Variants in DLD observed in about 807,000 individuals in gnomAD.
DLD encodes the protein dihydrolipoamide dehydrogenase.
In DLD, 36 loss-of-function variants were observed where a neutral mutation model predicts 62.2. The ratio of observed to expected loss-of-function variants is 0.58; its 90% CI spans 0.44 to 0.76. The LOEUF (loss-of-function observed/expected upper bound fraction) is 0.76, where lower values mean the gene tolerates loss of function less well. Ranked by LOEUF, DLD falls within the 30% of genes least tolerant of loss-of-function variation. DLD has a pLI of 0.00. For missense variants in DLD, 541 were observed against 608.6 expected (o/e 0.89, Z 1.17); for synonymous variants, 204 against 199.6 (o/e 1.02, Z -0.19).
intron 2 of DLD, among the ~76,000 whole-genome samples, chr7:107,901,109 A>C (rs2031864168): frequency 6.6e-6 from 1 of 152,140 alleles, no homozygotes; most frequent in Admixed American, 6.5e-5. Flanking sequence ...TCAATATGCA[A>C]GTACAAAACA....
Position 107,919,178 on chromosome 7 carries a change from A to G in DLD, c.1465-16A>G. 6.2e-7 allele frequency: 1 copy of G among 1,613,298 alleles called. No homozygotes were observed. Among genetic ancestry groups the G allele is most frequent in the Non-Finnish European group, 8.5e-7 (1 of 1,179,414 alleles). On this transcript the variant is annotated splice_polypyrimidine_tract_variant and intron_variant, in intron 13 of 13. Coordinates refer to ENST00000205402, the MANE Select transcript of DLD (RefSeq NM_000108.5). ...ACAAATATTTGGATTTTAATTTTAA[A>G]TTTCTTCCCTTGCAGACCTTATCAG...
rs771582791 is a variant in DLD at position 107,901,863 on chromosome 7, A to G, written c.198+46A>G. ...AAGTATTGATTTATTTTAATTTGGG[A>G]AGGGTTGATCATATTTATAAAGTAC... is the stretch of plus-strand genomic sequence containing the variant. On this transcript the variant is annotated intron_variant, in intron 3 of 13. Transcript: ENST00000205402. The G allele has an allele frequency of 2.1e-5, 32 of 1,498,682 alleles. No individual in the cohort carries two copies. The South Asian group carries it at 3.5e-4, about 16-fold the overall frequency. The allele number at this position is 1,498,682 out of a possible 1,614,324, so 92.8% of individuals were successfully genotyped here.
chr7:107,899,214 T>A (rs899542913), intron 2 of DLD, among the ~76,000 whole-genome samples: 10 of 151,812 alleles, frequency 6.6e-5, no homozygotes, highest in African/African-American at 2.4e-4. Flanking sequence ...GCTTATACCC[T>A]CCTGTATTCT....
intron 5 of DLD, among the ~76,000 whole-genome samples, chr7:107,904,011 G>C (rs182613551): frequency 1.6e-4 from 24 of 152,266 alleles, no homozygotes; most frequent in Non-Finnish European, 2.6e-4. Flanking sequence ...AACGTATCTT[G>C]TCTCCTGACA....
intron 7 of DLD, among the ~76,000 whole-genome samples, chr7:107,906,052 G>C (rs2031998094): frequency 1.3e-5 from 2 of 152,110 alleles, no homozygotes; most frequent in African/African-American, 4.8e-5. Context: ...CACTGTAAAT[G>C]CTATGCAAGT....
Position 107,918,171 on chromosome 7 carries a change from C to T in DLD, c.1374+110C>T. 5 of 1,207,200 alleles carry T rather than the reference C, an allele frequency of 4.1e-6. No homozygotes were observed. In the South Asian group the frequency reaches 6.2e-5, roughly 15 times the overall value. The allele number at this position is 1,207,200 out of a possible 1,614,324, so 74.8% of individuals were successfully genotyped here. On this transcript the variant is annotated intron_variant, in intron 12 of 13. Transcript: ENST00000205402. ...CTGAGGTTGCTCATTTCCAGCAAAA[C>T]TTTGAATATGGCTCTCTGTGCATCA...
intron 8 of DLD, among the ~76,000 whole-genome samples, chr7:107,909,279 C>G (rs1364467672): frequency 1.3e-5 from 2 of 152,156 alleles, no homozygotes; most frequent in East Asian, 1.9e-4. Context: ...CACTCTTATA[C>G]TTAACTGCTT....
chr7:107,905,421 G>A lies in DLD; in HGVS notation c.499G>A (p.Ala167Thr), dbSNP rs2116221690. 1 of 1,613,818 alleles carries A rather than the reference G, an allele frequency of 6.2e-7. No individual in the cohort carries two copies. Among genetic ancestry groups the A allele is most frequent in the Non-Finnish European group, 8.5e-7 (1 of 1,179,772 alleles). ...TGKNQVTATK[A>T]DGGTQVIDTK... ...CAAAAATCAAGTCACTGCTACGAAA[G>A]CTGATGGCGGCACTCAGGTTATTGA... Residue 167 changes from alanine to threonine, a missense_variant, in exon 7 of 14, where the codon GCT becomes ACT. Transcript: ENST00000205402.
At chr7:107,904,275 AG>A (rs1190074612) in intron 5 of DLD, among the ~76,000 whole-genome samples, 2 of 152,246 alleles carry the variant, frequency 1.3e-5, no homozygotes, top group African/African-American at 4.8e-5. Context: ...AAGAAGAGCT[AG>A]GGGTAGTCAG....
intron 8 of DLD, among the ~76,000 whole-genome samples, chr7:107,913,879 T>G (rs1463301383): frequency 6.6e-6 from 1 of 152,074 alleles, no homozygotes; most frequent in Non-Finnish European, 1.5e-5. Flanking sequence ...TGTCTTATTA[T>G]TTTGAGGTGT....
At chr7:107,891,570 G>T (rs2031576105) in intron 1 of DLD, 1 of 581,512 alleles carries the variant, frequency 1.7e-6, no homozygotes, top group Non-Finnish European at 3.1e-6. Flanking sequence ...AGCCTGGGCC[G>T]AGGGCCATCC....
At position 107,903,457 on chromosome 7, in the gene DLD, G is replaced by T. The variant is rs1271616384; in HGVS notation, c.268-21G>T. 6 of 1,395,346 alleles carry T rather than the reference G, an allele frequency of 4.3e-6. No homozygotes were observed. In the South Asian group the frequency reaches 7.0e-5, roughly 16 times the overall value. The allele number at this position is 1,395,346 out of a possible 1,614,324, so 86.4% of individuals were successfully genotyped here. Reference sequence around the variant, plus strand: ...TCTGTTTATGAATATTTGATAATTTGATCTTTTTAATTTCCTTTAGGCTTT... The same window carrying T: ...TCTGTTTATGAATATTTGATAATTTTATCTTTTTAATTTCCTTTAGGCTTT... On this transcript the variant is annotated intron_variant, in intron 4 of 13. Coordinates refer to ENST00000205402, the MANE Select transcript of DLD (RefSeq NM_000108.5).
chr7:107,915,670 G>A lies in DLD; in HGVS notation c.849G>A (p.Lys283=), dbSNP rs996668351. ...ATACAAAGGTTACTGGTGCTACCAA[G>A]AAGTCAGATGGAAAAATTGATGTTT... ...KLNTKVTGAT[K]KSDGKIDVSI... Residue 283 remains lysine (K), a synonymous_variant, in exon 9 of 14, where the codon AAG becomes AAA. Transcript: ENST00000205402. 2 of 1,613,718 alleles carry A rather than the reference G, an allele frequency of 1.2e-6. No individual in the cohort carries two copies. The highest frequency in any genetic ancestry group is 1.7e-6 in the Non-Finnish European group (2 of 1,179,796).
chr7:107,900,087 C>G (rs568202728), intron 2 of DLD, among the ~76,000 whole-genome samples: 13 of 152,022 alleles, frequency 8.6e-5, no homozygotes, highest in Non-Finnish European at 1.6e-4. Context: ...AGCAATTTTT[C>G]ATGTATTGAA....
rs547831587 is a variant in DLD at position 107,891,435 on chromosome 7, A to G, written c.39+146A>G. ...CCTGGCCCCGCCTCTGCACTGGCTC[A>G]GCCCGGCCCTGGGCTCCGAGGTGGC... On this transcript the variant is annotated intron_variant, in intron 1 of 13. Transcript: ENST00000205402. 6.7e-6 allele frequency: 6 copies of G among 891,120 alleles called. No individual in the cohort carries two copies. In the East Asian group the frequency reaches 7.9e-5, roughly 12 times the overall value. 55.2% of individuals were successfully genotyped at this position (891,120 alleles called of 1,614,324 possible). A position where few individuals can be genotyped will look rare whatever the true frequency, so the allele number is the denominator to read the frequency against.
chr7:107,903,763 C>A (rs2108222), intron 5 of DLD: 2 of 411,056 alleles, frequency 4.9e-6, no homozygotes, highest in Admixed American at 3.7e-5. Flanking sequence ...CCTGCAAATC[C>A]AGATTTCTAC....
intron 12 of DLD, 135 bp downstream of exon 12, chr7:107,918,196 A>C: frequency 1.1e-6 from 1 of 941,614 alleles, no homozygotes; most frequent in Non-Finnish European, 1.7e-6. Context: ...TCTGTGCATC[A>C]TTTCTAGAAG....
intron 4 of DLD, 130 bp downstream of exon 4, chr7:107,902,523 G>A (rs1562913821): frequency 3.7e-6 from 3 of 802,052 alleles, no homozygotes; most frequent in Admixed American, 2.1e-5. Flanking sequence ...TTCACACAGA[G>A]AAAAAAAAGA....
rs371725934 is a variant in DLD at position 107,915,723 on chromosome 7, G to C, written c.875+27G>C. The C allele has an allele frequency of 1.2e-5, 19 of 1,599,498 alleles. No homozygotes were observed. The African/African-American group carries it at 2.5e-4, about 21-fold the overall frequency. On this transcript the variant is annotated intron_variant, in intron 9 of 13. Coordinates refer to ENST00000205402, the MANE Select transcript of DLD (RefSeq NM_000108.5). ...TAAGTATACATCATTTGTTTTTGAT[G>C]TATCATCCCTGTCTCTTTAAGCAAA...
Sources: gnomAD v4.1 joint callset for allele counts (sites outside exome capture counted in the v4.1 genomes callset) on GRCh38, gnomAD v4.1.1 for gene constraint, MANE v1.5 for transcripts, NCBI Gene and HGNC (gene_info 2026-07-23, HGNC 2026-07-21) for gene names.